The following PDE10A variants were observed in gnomAD, a reference collection of about 807,000 sequenced individuals.
PDE10A encodes cAMP and cAMP-inhibited cGMP 3',5'-cyclic phosphodiesterase 10A.
PDE10A carries 39 observed loss-of-function variants against 97.7 expected under a neutral mutation model. The observed-to-expected ratio is 0.40, with a 90% CI of 0.31 to 0.52. The LOEUF is 0.52. PDE10A is among the 20% of genes least tolerant of loss of function. The pLI is 0.56. For synonymous variants in PDE10A, 371 were observed against 376.8 expected (o/e 0.98, Z 0.18); for missense variants, 731 against 1,047.8 (o/e 0.70, Z 4.17).
At chr6:165,683,851 T>G (rs1791044327) in intron 1 of PDE10A, among the ~76,000 whole-genome samples, 1 of 152,152 alleles carries the variant, frequency 6.6e-6, no homozygotes, top group African/African-American at 2.4e-5. Context: ...CCCACACCTC[T>G]CCACGACTTC....
chr6:165,563,993 C>T (rs1583549256), intron 1 of PDE10A, among the ~76,000 whole-genome samples: 2 of 152,128 alleles, frequency 1.3e-5, no homozygotes, highest in East Asian at 3.9e-4. Context: ...CCCCCTCCAC[C>T]CTCTCCCACT....
At chr6:165,634,942 G>T (rs537614424) in intron 1 of PDE10A, among the ~76,000 whole-genome samples, 1 of 152,232 alleles carries the variant, frequency 6.6e-6, no homozygotes, top group Non-Finnish European at 1.5e-5. Flanking sequence ...TCCCTGGCCT[G>T]TGTTCATTTA....
At chr6:165,721,464 G>A (rs1792165711) in intron 1 of PDE10A, among the ~76,000 whole-genome samples, 1 of 152,186 alleles carries the variant, frequency 6.6e-6, no homozygotes, top group African/African-American at 2.4e-5. Flanking sequence ...TGAGAACTGT[G>A]CAGGAGACAC....
chr6:165,519,222 C>G, intron 2 of PDE10A, among the ~76,000 whole-genome samples: 1 of 152,180 alleles, frequency 6.6e-6, no homozygotes, highest in Non-Finnish European at 1.5e-5. Context: ...TTCAAACTTA[C>G]GATATACGGC....
At chr6:165,357,082 G>A (rs1357664962) in intron 18 of PDE10A, among the ~76,000 whole-genome samples, 1 of 151,952 alleles carries the variant, frequency 6.6e-6, no homozygotes, top group Non-Finnish European at 1.5e-5. Flanking sequence ...GAGATTTTTG[G>A]CCTTCATAAA....
At chr6:165,547,635 C>A (rs1783804072) in intron 1 of PDE10A, among the ~76,000 whole-genome samples, 1 of 152,138 alleles carries the variant, frequency 6.6e-6, no homozygotes, top group Admixed American at 6.6e-5. Flanking sequence ...ACTTTCTTTT[C>A]TTGCTGAGTA....
chr6:165,788,536 A>AAG lies in PDE10A; in HGVS notation c.-615+198992_-615+198993insCT, dbSNP rs1554321903. 5.0e-3 allele frequency among the ~76,000 whole-genome samples: 737 copies of AAG among 147,440 alleles called. 4 individuals are homozygous for AAG. Among genetic ancestry groups the AAG allele is most frequent in the African/African-American group, 0.014 (565 of 40,228 alleles). On this transcript the variant is annotated intron_variant, in intron 1 of 19. Transcript: ENST00000366882. Reference sequence around the variant, plus strand: ...TCTGTCTCAAAAAAAAAAAAAAAAAAAAAGAAAAGAAAAGAAAAAGAAAAA... The same window carrying AAG: ...TCTGTCTCAAAAAAAAAAAAAAAAAAAGAAAGAAAAGAAAAGAAAAAGAAAAA...
chr6:165,931,383 C>A (rs144980607), intron 1 of PDE10A, among the ~76,000 whole-genome samples: 1 of 152,134 alleles, frequency 6.6e-6, no homozygotes, highest in Non-Finnish European at 1.5e-5. Flanking sequence ...TATTGAAAGA[C>A]GAAAAGGAAT....
In PDE10A at chr6:165,532,572, T is replaced by A. The variant is rs9459444; in HGVS notation, c.994+10868A>T. Among the ~76,000 whole-genome samples the A allele has an allele frequency of 1.8e-3, 268 of 152,140 alleles. 2 individuals carry two copies. Among genetic ancestry groups the A allele is most frequent in the African/African-American group, 6.2e-3 (257 of 41,532 alleles). The stretch of plus-strand genomic sequence containing the variant: ...CTAGAATTTAAGCTGTGCCTGGAGC[T>A]ACTAGTAGTTCCCAAACTAGCAAGC... On this transcript the variant is annotated intron_variant, in intron 2 of 21. Coordinates refer to ENST00000539869, the MANE Select transcript of PDE10A (RefSeq NM_001385079.1).
chr6:165,897,234 C>T (rs1218488963), intron 1 of PDE10A, among the ~76,000 whole-genome samples: 3 of 152,166 alleles, frequency 2.0e-5, no homozygotes, highest in Non-Finnish European at 4.4e-5. Flanking sequence ...TGGCTAGGGT[C>T]CTGGCAGTGG....
intron 3 of PDE10A, among the ~76,000 whole-genome samples, chr6:165,451,354 T>A (rs913534873): frequency 6.6e-6 from 1 of 152,186 alleles, no homozygotes; most frequent in Non-Finnish European, 1.5e-5. Flanking sequence ...ATCTCCCTGC[T>A]CCCAAACTTG....
chr6:165,853,270 T>C (rs145583236), intron 1 of PDE10A, among the ~76,000 whole-genome samples: 3 of 152,364 alleles, frequency 2.0e-5, no homozygotes, highest in South Asian at 2.1e-4. Flanking sequence ...AACATCACTT[T>C]ATGTTTGTTC....
intron 2 of PDE10A, among the ~76,000 whole-genome samples, chr6:165,500,680 G>A (rs561272587): frequency 6.6e-6 from 1 of 152,248 alleles, no homozygotes; most frequent in East Asian, 1.9e-4. Flanking sequence ...TAAAGGGTCT[G>A]TGCTGAGGAA....
In PDE10A at chr6:165,712,105, G is replaced by A. The variant is rs564709247; in HGVS notation, c.-614-168537C>T. 2.6e-5 allele frequency among the ~76,000 whole-genome samples: 4 copies of A among 152,190 alleles called. No homozygotes were observed. In the South Asian group the frequency reaches 6.2e-4, roughly 24 times the overall value. ...TGAGTGGACATCAAGGAAGGGGCAC[G>A]GGCTGGAGGGTTCTGGGCTCCACCG... On this transcript the variant is annotated intron_variant, in intron 1 of 19. Coordinates refer to the PDE10A transcript ENST00000366882.
Position 165,388,209 on chromosome 6 carries a change from C to G in PDE10A, c.2610+89G>C, listed in dbSNP as rs151132921. 8.8e-7 allele frequency: 1 copy of G among 1,141,872 alleles called. No individual in the cohort carries two copies. The highest frequency in any genetic ancestry group is 2.0e-5 in the Admixed American group (1 of 50,002). The allele number at this position is 1,141,872 out of a possible 1,614,324, so 70.7% of individuals were successfully genotyped here. A position where few individuals can be genotyped will look rare whatever the true frequency, so the allele number is the denominator to read the frequency against. ...AAGTAGCTGTTGCTTTTAAGGAAGC[C>G]ATAATGATCTTCCTTTTCCACCTAT... On this transcript the variant is annotated intron_variant, in intron 17 of 21. Coordinates refer to ENST00000539869, the MANE Select transcript of PDE10A (RefSeq NM_001385079.1). This position sits in a 1 kb window ranked among gnomAD's most constrained non-coding sequence, Gnocchi z 4.0.
chr6:165,392,874 CAT>C (rs1785830552), intron 15 of PDE10A, 78 bp from the exon 16 acceptor site: 2 of 1,286,090 alleles, frequency 1.6e-6, no homozygotes, highest in East Asian at 2.3e-5. Flanking sequence ...AGTTTAGGTA[CAT>C]ATATGTCTGT....
chr6:165,437,451 G>A (rs1222496810), intron 5 of PDE10A, among the ~76,000 whole-genome samples: 1 of 152,052 alleles, frequency 6.6e-6, no homozygotes. Flanking sequence ...ACCCAAGAGT[G>A]TATGGAAAGC....
intron 2 of PDE10A, among the ~76,000 whole-genome samples, chr6:165,522,617 T>C (rs538394852): frequency 2.4e-4 from 36 of 152,060 alleles, no homozygotes; most frequent in African/African-American, 8.4e-4. Context: ...AGAACATACC[T>C]CAAAGTAGTT....
intron 1 of PDE10A, among the ~76,000 whole-genome samples, chr6:165,676,295 G>A (rs933726188): frequency 6.6e-6 from 1 of 152,144 alleles, no homozygotes; most frequent in African/African-American, 2.4e-5. Flanking sequence ...ACACGATTTG[G>A]GCAATGGCCA....
Sources: allele counts gnomAD v4.1 joint callset (sites outside exome capture counted in the v4.1 genomes callset), GRCh38; gene constraint gnomAD v4.1.1; non-coding constraint Gnocchi (gnomAD v3.1); transcripts MANE v1.5; gene names NCBI Gene and HGNC (gene_info 2026-07-23, HGNC 2026-07-21).